The following NCOA2 variants were observed in gnomAD, a reference collection of about 807,000 sequenced individuals.
NCOA2 encodes class E basic helix-loop-helix protein 75.
Under a neutral mutation model 145.1 loss-of-function variants are expected in NCOA2, and 21 were observed. The ratio of observed to expected loss-of-function variants is 0.14; its 90% CI spans 0.10 to 0.21. The LOEUF (loss-of-function observed/expected upper bound fraction) is 0.21, where lower values mean the gene tolerates loss of function less well. NCOA2 is among the 10% of genes least tolerant of loss of function. NCOA2 has a pLI of 1.00. For synonymous variants in NCOA2, 619 were observed against 637.5 expected (o/e 0.97, Z 0.44); for missense variants, 1,472 against 1,837.6 (o/e 0.80, Z 3.64).
chr8:70,412,129 G>A, the NCOA2 span, among the ~76,000 whole-genome samples: 9 of 152,140 alleles, frequency 5.9e-5, no homozygotes, highest in East Asian at 3.9e-4. Context: ...TTCATAAAAT[G>A]TTACTTTACA....
At chr8:70,414,018 A>C in the NCOA2 span, among the ~76,000 whole-genome samples, 1 of 151,686 alleles carries the variant, frequency 6.6e-6, no homozygotes, top group Non-Finnish European at 1.5e-5. Context: ...ACATGTTATA[A>C]ATATTTTCTG....
At position 70,309,666 on chromosome 8, in the gene NCOA2, C is replaced by T. The variant is rs189143719; in HGVS notation, c.-76-12866G>A. 1.4e-4 allele frequency among the ~76,000 whole-genome samples: 22 copies of T among 152,076 alleles called. No homozygotes were observed. The East Asian group carries it at 4.3e-3, about 29-fold the overall frequency. On this transcript the variant is annotated intron_variant, in intron 1 of 22. Transcript: ENST00000452400. ...TTTTTTCCCCACAAAAATTGCTAGC[C>T]TTGGCCAAGCGCAGTAGCAAGCACC...
chr8:70,323,878 G>C (rs1454323831), intron 1 of NCOA2, among the ~76,000 whole-genome samples: 2 of 152,082 alleles, frequency 1.3e-5, no homozygotes, highest in Non-Finnish European at 2.9e-5. Flanking sequence ...AATACCATAT[G>C]GTAGGTTAAC....
intron 2 of NCOA2, among the ~76,000 whole-genome samples, chr8:70,254,280 G>C (rs1347065120): frequency 6.6e-6 from 1 of 152,128 alleles, no homozygotes; most frequent in Non-Finnish European, 1.5e-5. Context: ...TAGAACCCTT[G>C]TGCATTACTG....
At chr8:70,136,389 C>G (rs1449994476) in intron 15 of NCOA2, among the ~76,000 whole-genome samples, 4 of 151,974 alleles carry the variant, frequency 2.6e-5, no homozygotes, top group Non-Finnish European at 4.4e-5. Context: ...CAAAAATCCA[C>G]CAAATTGTGA....
chr8:70,145,386 C>T (rs966935764), intron 12 of NCOA2, among the ~76,000 whole-genome samples: 1 of 150,146 alleles, frequency 6.7e-6, no homozygotes, highest in Non-Finnish European at 1.5e-5. Context: ...GTGTAGTGGC[C>T]CGATCTCGGC....
intron 11 of NCOA2, 44 bp from the exon 12 acceptor site, chr8:70,148,527 G>T (rs529913684): frequency 6.3e-7 from 1 of 1,577,650 alleles, no homozygotes; most frequent in Non-Finnish European, 8.7e-7. Flanking sequence ...TACTCTAAGA[G>T]TAGACACCAC....
At chr8:70,404,270 C>A (rs956555188), upstream of NCOA2, among the ~76,000 whole-genome samples, 1 of 152,194 alleles carries the variant, frequency 6.6e-6, no homozygotes, top group Non-Finnish European at 1.5e-5. Context: ...AAGGGCAATG[C>A]CAAAAAGAAA....
chr8:70,323,546 C>A (rs1347055270), intron 1 of NCOA2, among the ~76,000 whole-genome samples: 1 of 152,066 alleles, frequency 6.6e-6, no homozygotes, highest in Non-Finnish European at 1.5e-5. Flanking sequence ...ACAGCCTAAT[C>A]TGGAAATTTA....
At chr8:70,428,773 C>G in the NCOA2 span, among the ~76,000 whole-genome samples, 1 of 151,900 alleles carries the variant, frequency 6.6e-6, no homozygotes, top group African/African-American at 2.4e-5. Context: ...CAAAGCAAGG[C>G]AGCATAGCAA....
intron 21 of NCOA2, among the ~76,000 whole-genome samples, chr8:70,122,329 A>G (rs1221053264): frequency 6.6e-6 from 1 of 152,236 alleles, no homozygotes; most frequent in African/African-American, 2.4e-5. Context: ...AGCTCACTGC[A>G]GCCTCAAACT....
chr8:70,228,494 A>G (rs1045496690), intron 2 of NCOA2, among the ~76,000 whole-genome samples: 4 of 152,204 alleles, frequency 2.6e-5, no homozygotes, highest in African/African-American at 9.6e-5. Flanking sequence ...GGAACTAAAT[A>G]TGTAATTGGA....
At chr8:70,351,574 G>A (rs2130825894) in intron 1 of NCOA2, among the ~76,000 whole-genome samples, 1 of 148,100 alleles carries the variant, frequency 6.8e-6, no homozygotes, top group East Asian at 2.0e-4. Context: ...ATTTATTTGG[G>A]TTCACCTTTT....
chr8:70,416,464 G>T, the NCOA2 span, among the ~76,000 whole-genome samples: 5 of 152,140 alleles, frequency 3.3e-5, no homozygotes, highest in African/African-American at 1.2e-4. Context: ...TGCCTAACAT[G>T]ATACAACTAT....
Position 70,118,946 on chromosome 8 carries a change from C to T in NCOA2, c.4383+2356G>A, listed in dbSNP as rs988727453. On this transcript the variant is annotated intron_variant, in intron 22 of 22. Transcript: ENST00000452400. ...CAGGTGATCCATCCGCCTCAGCCTC[C>T]GAAAGTGTTGGGATTACAGGCTTGA... Among the ~76,000 whole-genome samples, 5 of 152,034 alleles carry T rather than the reference C, an allele frequency of 3.3e-5. No homozygotes were observed. In the East Asian group the frequency reaches 5.8e-4, roughly 18 times the overall value.
At chr8:70,128,012 A>G (rs1808634068) in intron 18 of NCOA2, among the ~76,000 whole-genome samples, 1 of 152,184 alleles carries the variant, frequency 6.6e-6, no homozygotes. Flanking sequence ...TCTGGAGAAA[A>G]CAGGTGTGCT....
At chr8:70,222,801 A>G (rs1820269900) in intron 2 of NCOA2, among the ~76,000 whole-genome samples, 1 of 152,226 alleles carries the variant, frequency 6.6e-6, no homozygotes, top group African/African-American at 2.4e-5. Context: ...AACCTCCTTC[A>G]AAGTCTTATC....
chr8:70,391,960 A>G (rs1007450889), intron 1 of NCOA2, among the ~76,000 whole-genome samples: 2 of 152,250 alleles, frequency 1.3e-5, no homozygotes, highest in Non-Finnish European at 2.9e-5. Flanking sequence ...ATGAAGAATC[A>G]TATCTGTAAT....
intron 6 of NCOA2, among the ~76,000 whole-genome samples, chr8:70,168,188 G>A (rs1008567197): frequency 3.9e-5 from 6 of 152,322 alleles, no homozygotes; most frequent in South Asian, 2.1e-4. Flanking sequence ...GCTGTAGAAT[G>A]AGAAAGGAAA....
Sources: allele counts gnomAD v4.1 joint callset (sites outside exome capture counted in the v4.1 genomes callset), GRCh38; gene constraint gnomAD v4.1.1; transcripts MANE v1.5; gene names NCBI Gene and HGNC (gene_info 2026-07-23, HGNC 2026-07-21).